ZNF207: variants seen among roughly 807,000 people sequenced by gnomAD.
ZNF207 encodes BUB3-interacting and GLEBS motif-containing protein ZNF207.
A neutral mutation model predicts 60.2 loss-of-function variants in ZNF207; 24 were observed. The ratio of observed to expected loss-of-function variants is 0.40; its 90% CI spans 0.29 to 0.56. The LOEUF (loss-of-function observed/expected upper bound fraction) is 0.56, where lower values mean the gene tolerates loss of function less well. Among genes scored for constraint, ZNF207 ranks in the 20% least tolerant of loss-of-function variants. The pLI is 0.49. For missense variants in ZNF207, 452 were observed against 636.6 expected, an observed-to-expected ratio of 0.71 and a Z score of 3.12; for synonymous variants, 236 against 194.7, an observed-to-expected ratio of 1.21 and a Z score of -1.77.
chr17:32,353,755 C>A (rs1175541251), intron 2 of ZNF207, among the ~76,000 whole-genome samples: 2 of 136,450 alleles, frequency 1.5e-5, no homozygotes, highest in Non-Finnish European at 3.0e-5. Flanking sequence ...GCAGAGTTTG[C>A]GGTGAGCTGA....
rs191445530 is a variant in ZNF207 at position 32,369,553 on chromosome 17, A to G, written c.1325-46A>G. 209 of 1,575,218 alleles carry G rather than the reference A, an allele frequency of 1.3e-4. 1 individual carries two copies. In the African/African-American group the frequency reaches 2.4e-3, roughly 18 times the overall value. ...AGCATACGTTGCACTTAAAAGTACA[A>G]TGCGTTAACAATCTATTTTTTTGTG... On this transcript the variant is annotated intron_variant, in intron 11 of 11. Coordinates refer to ENST00000394670, the MANE Select transcript of ZNF207 (RefSeq NM_001098507.2).
In ZNF207 at chr17:32,369,902, T is replaced by G; in HGVS notation, c.*143T>G. On this transcript the variant is annotated 3_prime_UTR_variant, in exon 12 of 12. Coordinates refer to ENST00000394670, the MANE Select transcript of ZNF207 (RefSeq NM_001098507.2). ...CCACATACCAGGAACTATTGGACAT[T>G]TATTTTACATGGGAAAAATTATTTG... 1 of 953,340 alleles carries G rather than the reference T, an allele frequency of 1.0e-6. No individual in the cohort carries two copies. Among genetic ancestry groups the G allele is most frequent in the Non-Finnish European group, 1.4e-6 (1 of 724,034 alleles). 59.1% of individuals were successfully genotyped at this position (953,340 alleles called of 1,614,324 possible). A position where few individuals can be genotyped will look rare whatever the true frequency, so the allele number is the denominator to read the frequency against.
intron 2 of ZNF207, among the ~76,000 whole-genome samples, chr17:32,357,698 G>A (rs1597768527): frequency 6.6e-6 from 1 of 151,550 alleles, no homozygotes; most frequent in African/African-American, 2.4e-5. Flanking sequence ...ATCTGCCCAG[G>A]CTGGAGTGCT....
intron 7 of ZNF207, 141 bp downstream of exon 7, chr17:32,363,125 T>C: frequency 1.7e-6 from 1 of 597,810 alleles, no homozygotes. Flanking sequence ...ATATGGACCC[T>C]TTTTTAAAAA....
At position 32,360,964 on chromosome 17, in the gene ZNF207, C is replaced by T. The variant is rs767714769; in HGVS notation, c.548C>T (p.Pro183Leu). Reference sequence around the variant, plus strand: ...CCACCAGTTATGCCAGGCATGCCACCTGGGTAAGAAAATTCTTTTAATTGC... The same window carrying T: ...CCACCAGTTATGCCAGGCATGCCACTTGGGTAAGAAAATTCTTTTAATTGC... ...GMPPVMPGMP[P>L]GLHHQRKYTQ... is the part of the protein sequence containing the mutation. Residue 183 changes from proline to leucine, a missense_variant, in exon 5 of 12, where the codon CCT (proline) becomes CTT (leucine). By Grantham distance (98) the Pro-to-Leu change is moderately conservative. Transcript: ENST00000394670. 71 of 1,612,828 alleles carry T rather than the reference C, an allele frequency of 4.4e-5. No individual in the cohort carries two copies. The highest frequency in any genetic ancestry group is 5.8e-5 in the Non-Finnish European group (69 of 1,179,904).
chr17:32,356,293 A>T (rs1035903084), intron 2 of ZNF207, among the ~76,000 whole-genome samples: 2 of 152,188 alleles, frequency 1.3e-5, no homozygotes, highest in African/African-American at 4.8e-5. Flanking sequence ...TCAAAAATGT[A>T]GTGAAGATTA....
At chr17:32,361,208 T>A in intron 5 of ZNF207, 1 of 586,950 alleles carries the variant, frequency 1.7e-6, no homozygotes, top group Non-Finnish European at 3.0e-6. Context: ...TTGCATTTAC[T>A]GTGATTAAAG....
chr17:32,363,097 G>T, intron 7 of ZNF207, 113 bp downstream of exon 7: 1 of 895,586 alleles, frequency 1.1e-6, no homozygotes, highest in Non-Finnish European at 1.7e-6. Flanking sequence ...AAAGTTGCAA[G>T]TTCCTGTGAG....
chr17:32,350,349 C>T, intron 1 of ZNF207, 23 bp downstream of exon 1: 1 of 1,613,916 alleles, frequency 6.2e-7, no homozygotes, highest in Non-Finnish European at 8.5e-7. Context: ...GGTTTGAAGT[C>T]GAGGTCGCGT....
chr17:32,361,608 A>C, intron 6 of ZNF207, 93 bp downstream of exon 6: 1 of 1,194,250 alleles, frequency 8.4e-7, no homozygotes. Context: ...AGTTGACTTC[A>C]GAAATTTTCT....
intron 9 of ZNF207, among the ~76,000 whole-genome samples, chr17:32,367,239 T>TATATATATATA (rs1905206663): frequency 9.3e-5 from 3 of 32,180 alleles, no homozygotes; most frequent in African/African-American, 2.4e-4. Context: ...TTGGAGGGGA[T>TATATATATATA]TATATATATA....
rs1905448620 is a variant in ZNF207, at chr17:32,371,185, C to G, written c.*1426C>G. On this transcript the variant is annotated 3_prime_UTR_variant, in exon 12 of 12. Transcript: ENST00000394670. ...TTTTTTAGGCATCAAATAACCTATG[C>G]AAAGTATTAATATAATGAACTCAAG... The G allele has an allele frequency of 6.6e-6, 1 of 152,014 alleles. No homozygotes were observed. The highest frequency in any genetic ancestry group is 6.6e-5 in the Admixed American group (1 of 15,258). The allele number at this position is 152,014 out of a possible 1,614,324, so 9.4% of individuals were successfully genotyped here.
intron 1 of ZNF207, chr17:32,351,422 A>G: frequency 7.7e-7 from 1 of 1,304,200 alleles, no homozygotes; most frequent in Non-Finnish European, 9.8e-7. Context: ...TTGTCTTGAC[A>G]GAACCTTAGG....
At chr17:32,355,207 C>T (rs1388251953) in intron 2 of ZNF207, among the ~76,000 whole-genome samples, 1 of 152,058 alleles carries the variant, frequency 6.6e-6, no homozygotes, top group Non-Finnish European at 1.5e-5. Context: ...CTAGCCTGGG[C>T]AATATAATGA....
chr17:32,369,342 G>C lies in ZNF207; in HGVS notation c.1212G>C (p.Arg404=). Residue 404 remains arginine, a synonymous_variant, in exon 11 of 12, where the codon CGG becomes CGC. Transcript: ENST00000394670. The part of the protein sequence containing the change: ...QLPKYQRNLP[R]PGQAPIGNPP... ...CTAAGTATCAACGTAATCTTCCTCGGCCAGGACAGGCCCCCATCGGTAATC... is the reference window on the plus strand; with the variant it reads ...CTAAGTATCAACGTAATCTTCCTCGCCCAGGACAGGCCCCCATCGGTAATC... 1.9e-6 allele frequency: 3 copies of C among 1,614,092 alleles called. No individual in the cohort carries two copies. Among genetic ancestry groups the C allele is most frequent in the Non-Finnish European group, 2.5e-6 (3 of 1,180,040 alleles).
At position 32,373,130 on chromosome 17, in the gene ZNF207, A is replaced by G; in HGVS notation, c.*3371A>G. The G allele has an allele frequency of 3.0e-6, 1 of 329,442 alleles. No homozygotes were observed. Among genetic ancestry groups the G allele is most frequent in the Non-Finnish European group, 5.5e-6 (1 of 181,972 alleles). 20.4% of individuals were successfully genotyped at this position (329,442 alleles called of 1,614,324 possible). On this transcript the variant is annotated 3_prime_UTR_variant, in exon 12 of 12. Transcript: ENST00000394670. Reference sequence around the variant, plus strand: ...CTCACACATTTGCCATTAGGTATGAATAAAATATTCCTACTGTACTCCTAT... The same window carrying G: ...CTCACACATTTGCCATTAGGTATGAGTAAAATATTCCTACTGTACTCCTAT...
At position 32,363,728 on chromosome 17, in the gene ZNF207, C is replaced by T. The variant is rs186364877; in HGVS notation, c.670+744C>T. 5.3e-5 allele frequency among the ~76,000 whole-genome samples: 8 copies of T among 151,322 alleles called. No homozygotes were observed. The East Asian group carries it at 1.2e-3, about 22-fold the overall frequency. On this transcript the variant is annotated intron_variant, in intron 7 of 11. Transcript: ENST00000394670. ...TGTATTTTTAGTAGAGATGGGGTTTCGCCATGTCGGCCAGCTGGTCTCAAA... is the reference window on the plus strand; with the variant it reads ...TGTATTTTTAGTAGAGATGGGGTTTTGCCATGTCGGCCAGCTGGTCTCAAA...
At chr17:32,363,102 T>C (rs1291459515) in intron 7 of ZNF207, 118 bp downstream of exon 7, 1 of 822,846 alleles carries the variant, frequency 1.2e-6, no homozygotes, top group Non-Finnish European at 1.9e-6. Context: ...TGCAAGTTCC[T>C]GTGAGAAGTG....
intron 2 of ZNF207, among the ~76,000 whole-genome samples, chr17:32,358,188 CA>C (rs1421518528): frequency 6.6e-6 from 1 of 152,172 alleles, no homozygotes; most frequent in Non-Finnish European, 1.5e-5. Flanking sequence ...TTGAAGTAAT[CA>C]AGATTATATG....
Sources: allele counts gnomAD v4.1 joint callset (sites outside exome capture counted in the v4.1 genomes callset), GRCh38; gene constraint gnomAD v4.1.1; transcripts MANE v1.5; gene names NCBI Gene and HGNC (gene_info 2026-07-23, HGNC 2026-07-21).